Variants in PAMR1 observed in about 807,000 individuals in gnomAD.
PAMR1 encodes peptidase domain containing associated with muscle regeneration 1.
In PAMR1, 88 loss-of-function variants were observed where a neutral mutation model predicts 81.8. That is an observed-to-expected ratio of 1.08 (90% confidence interval 0.91 to 1.28). The LOEUF is 1.28. Ranked by LOEUF, PAMR1 falls within the 50% of genes most tolerant of loss-of-function variation. PAMR1 has a pLI of 0.00. For synonymous variants in PAMR1, 336 were observed against 345.3 expected (o/e 0.97, Z 0.30); for missense variants, 935 against 919.7 (o/e 1.02, Z -0.21).
At chr11:35,517,982 C>A (rs1302767581) in intron 1 of PAMR1, among the ~76,000 whole-genome samples, 1 of 152,172 alleles carries the variant, frequency 6.6e-6, no homozygotes, top group Admixed American at 6.5e-5. Flanking sequence ...CTCTATTGTA[C>A]AGAAAGAGGA....
intron 6 of PAMR1, among the ~76,000 whole-genome samples, chr11:35,452,930 T>C (rs956864037): frequency 2.6e-5 from 4 of 152,224 alleles, no homozygotes; most frequent in Non-Finnish European, 5.9e-5. Flanking sequence ...CAGGATCAGA[T>C]AGATATGGGT....
chr11:35,493,296 T>C (rs977830139), intron 2 of PAMR1, among the ~76,000 whole-genome samples: 14 of 152,304 alleles, frequency 9.2e-5, no homozygotes, highest in African/African-American at 3.4e-4. Flanking sequence ...TCCAATGTTA[T>C]CAAAATATCT....
intron 5 of PAMR1, among the ~76,000 whole-genome samples, chr11:35,469,346 C>A (rs78160672): frequency 0.088 from 13,386 of 152,216 alleles, 1,340 homozygotes; most frequent in African/African-American, 0.24. Context: ...TTCAGAGGAG[C>A]AAGACATTCT....
chr11:35,521,215 G>A (rs552858319), intron 1 of PAMR1, among the ~76,000 whole-genome samples: 36 of 152,272 alleles, frequency 2.4e-4, no homozygotes, highest in African/African-American at 8.2e-4. Context: ...GTAAGATTAT[G>A]CTCCATGAAA....
At chr11:35,510,378 T>C (rs186921194) in intron 1 of PAMR1, among the ~76,000 whole-genome samples, 72 of 152,306 alleles carry the variant, frequency 4.7e-4, no homozygotes, top group Middle Eastern at 3.4e-3. Flanking sequence ...TAATGACATG[T>C]ACCCACCATT....
chr11:35,458,176 GAAC>G, intron 6 of PAMR1, among the ~76,000 whole-genome samples: 1 of 152,260 alleles, frequency 6.6e-6, no homozygotes, highest in Non-Finnish European at 1.5e-5. Context: ...AAACTGAAGT[GAAC>G]AACATTTTCT....
At chr11:35,466,620 G>T (rs1248644515) in intron 6 of PAMR1, among the ~76,000 whole-genome samples, 3 of 151,354 alleles carry the variant, frequency 2.0e-5, no homozygotes, top group Non-Finnish European at 1.5e-5. Flanking sequence ...CCAGCTACTT[G>T]GGAGGCTGAG....
At chr11:35,487,947 A>G (rs1850541554) in intron 3 of PAMR1, among the ~76,000 whole-genome samples, 1 of 152,224 alleles carries the variant, frequency 6.6e-6, no homozygotes, top group Admixed American at 6.5e-5. Context: ...TTCCTACCAT[A>G]TAATTACTAA....
chr11:35,527,370 C>T (rs1851410283), upstream of PAMR1, among the ~76,000 whole-genome samples: 1 of 152,216 alleles, frequency 6.6e-6, no homozygotes, highest in Admixed American at 6.5e-5. Flanking sequence ...GAGCCTACCA[C>T]ATATTAAGTG....
chr11:35,496,812 A>G (rs1308665718), intron 1 of PAMR1, among the ~76,000 whole-genome samples: 3 of 152,228 alleles, frequency 2.0e-5, no homozygotes, highest in African/African-American at 7.2e-5. Flanking sequence ...ATGTTCATTC[A>G]CAATAGCCAA....
intron 2 of PAMR1, among the ~76,000 whole-genome samples, chr11:35,493,063 CTG>C (rs1301812396): frequency 6.6e-6 from 1 of 152,158 alleles, no homozygotes; most frequent in African/African-American, 2.4e-5. Flanking sequence ...CGACTTGACT[CTG>C]TTCTTCCCTT....
intron 3 of PAMR1, among the ~76,000 whole-genome samples, chr11:35,475,627 T>C (rs1850271741): frequency 6.6e-6 from 1 of 152,238 alleles, no homozygotes; most frequent in Non-Finnish European, 1.5e-5. Context: ...GAAGTGGCTC[T>C]ATGGAAAAAT....
chr11:35,491,460 T>C (rs1045297253), intron 3 of PAMR1, among the ~76,000 whole-genome samples: 2 of 152,194 alleles, frequency 1.3e-5, no homozygotes, highest in Non-Finnish European at 2.9e-5. Context: ...AGAGGGACAT[T>C]CATCATTCAG....
chr11:35,519,344 C>T (rs1760312), intron 1 of PAMR1, among the ~76,000 whole-genome samples: 93,530 of 151,886 alleles, frequency 0.62, 30,097 homozygotes, highest in East Asian at 0.97. Flanking sequence ...CGCTTATTCA[C>T]TCCAGGTCTG....
chr11:35,473,889 A>G (rs1158595848), intron 4 of PAMR1, among the ~76,000 whole-genome samples: 1 of 152,182 alleles, frequency 6.6e-6, no homozygotes, highest in Non-Finnish European at 1.5e-5. Context: ...GTGAGTGAGG[A>G]AAGCGGGAGG....
At chr11:35,479,872 T>TG (rs1218396086) in intron 3 of PAMR1, among the ~76,000 whole-genome samples, 1 of 152,182 alleles carries the variant, frequency 6.6e-6, no homozygotes, top group Non-Finnish European at 1.5e-5. Context: ...AGGGTTGCAA[T>TG]GGGGATTAAA....
At chr11:35,493,887 C>T (rs1850673748) in intron 2 of PAMR1, among the ~76,000 whole-genome samples, 1 of 152,224 alleles carries the variant, frequency 6.6e-6, no homozygotes, top group Admixed American at 6.5e-5. Context: ...TGAATGAATT[C>T]AAAGTTTCAC....
In PAMR1 at chr11:35,497,049, C is replaced by T. The variant is rs138061837; in HGVS notation, c.74-2777G>A. ...GGGAGCAGTGGTGCACACCTGTAAT[C>T]CCAGCTACTTAGGAGGCTGAGGCAC... On this transcript the variant is annotated intron_variant, in intron 1 of 10. Coordinates refer to ENST00000619888, the MANE Select transcript of PAMR1 (RefSeq NM_001001991.3). Among the ~76,000 whole-genome samples, 287 of 152,240 alleles carry T rather than the reference C, an allele frequency of 1.9e-3. 9 individuals are homozygous for T. In the East Asian group the frequency reaches 0.04, roughly 21 times the overall value.
chr11:35,505,408 A>C (rs1020986832), intron 1 of PAMR1, among the ~76,000 whole-genome samples: 4 of 152,042 alleles, frequency 2.6e-5, no homozygotes, highest in Non-Finnish European at 5.9e-5. Flanking sequence ...TTTTTGATTG[A>C]ATGATCTGTC....
Sources: gnomAD v4.1 joint callset for allele counts (sites outside exome capture counted in the v4.1 genomes callset) on GRCh38, gnomAD v4.1.1 for gene constraint, MANE v1.5 for transcripts, NCBI Gene and HGNC (gene_info 2026-07-23, HGNC 2026-07-21) for gene names.